Variants in SLCO4C1 observed in about 807,000 individuals in gnomAD.
SLCO4C1 encodes organic anion transporter M1.
Under a neutral mutation model 72.1 loss-of-function variants are expected in SLCO4C1, and 58 were observed. The observed-to-expected ratio is 0.80, with a 90% CI of 0.65 to 1.00. SLCO4C1 has a LOEUF of 1.00. Among genes scored for constraint, SLCO4C1 ranks in the 50% least tolerant of loss-of-function variants. The pLI, the probability that SLCO4C1 is intolerant of heterozygous loss-of-function variation, is 0.00. For missense variants in SLCO4C1, 898 were observed against 857.9 expected (o/e 1.05, Z -0.58); for synonymous variants, 297 against 312.5 (o/e 0.95, Z 0.52).
At chr5:102,265,130 T>C (rs1188314987) in intron 3 of SLCO4C1, among the ~76,000 whole-genome samples, 2 of 152,086 alleles carry the variant, frequency 1.3e-5, no homozygotes. Flanking sequence ...GAAAAATGGC[T>C]ATATAGATTC....
At chr5:102,252,212 A>G (rs757140876) in intron 8 of SLCO4C1, among the ~76,000 whole-genome samples, 1 of 152,176 alleles carries the variant, frequency 6.6e-6, no homozygotes, top group Non-Finnish European at 1.5e-5. Context: ...ATCAGGGGTC[A>G]AACACAGTAA....
intron 2 of SLCO4C1, among the ~76,000 whole-genome samples, chr5:102,273,819 A>G (rs189127666): frequency 6.6e-6 from 1 of 152,282 alleles, no homozygotes; most frequent in African/African-American, 2.4e-5. Context: ...AGATTTACCT[A>G]TTCAATGAAT....
chr5:102,239,457 A>T, intron 11 of SLCO4C1, 69 bp from the exon 12 acceptor site: 1 of 1,087,098 alleles, frequency 9.2e-7, no homozygotes. Context: ...CTTTTTATAC[A>T]TGATCATACA....
chr5:102,261,848 T>A, intron 5 of SLCO4C1, 64 bp downstream of exon 5: 1 of 1,486,168 alleles, frequency 6.7e-7, no homozygotes, highest in Non-Finnish European at 9.0e-7. Flanking sequence ...ATTAATCATA[T>A]AGAAAATAGC....
chr5:102,251,521 T>G (rs1479893542), intron 8 of SLCO4C1, among the ~76,000 whole-genome samples: 3 of 151,862 alleles, frequency 2.0e-5, no homozygotes, highest in Non-Finnish European at 4.4e-5. Context: ...GCCCAGGAGT[T>G]TGAGGCTGCA....
intron 2 of SLCO4C1, among the ~76,000 whole-genome samples, chr5:102,278,447 A>C (rs1350148836): frequency 6.6e-6 from 1 of 152,202 alleles, no homozygotes; most frequent in Admixed American, 6.5e-5. Context: ...AAAATTAGCA[A>C]GGATATAAAC....
rs1748431304 is a variant in SLCO4C1 at position 102,236,347 on chromosome 5, C to G, written c.*511G>C. On this transcript the variant is annotated 3_prime_UTR_variant, in exon 13 of 13. Coordinates refer to ENST00000310954, the MANE Select transcript of SLCO4C1 (RefSeq NM_180991.5). ...ACCTGGTTTTAAATTCATAGGCTTTCAATAATAATTCCCGGAAATCATCAC... is the reference window on the plus strand; with the variant it reads ...ACCTGGTTTTAAATTCATAGGCTTTGAATAATAATTCCCGGAAATCATCAC... The G allele has an allele frequency of 6.6e-6, 1 of 152,352 alleles. No individual in the cohort carries two copies. Among genetic ancestry groups the G allele is most frequent in the Non-Finnish European group, 1.5e-5 (1 of 68,228 alleles). 9.4% of individuals were successfully genotyped at this position (152,352 alleles called of 1,614,324 possible). A position where few individuals can be genotyped will look rare whatever the true frequency, so the allele number is the denominator to read the frequency against.
chr5:102,237,951 T>C (rs1373283775), intron 12 of SLCO4C1, among the ~76,000 whole-genome samples: 2 of 152,210 alleles, frequency 1.3e-5, no homozygotes, highest in Non-Finnish European at 2.9e-5. Flanking sequence ...AACCACAGTA[T>C]AAGCATTTAA....
intron 5 of SLCO4C1, 43 bp from the exon 6 acceptor site, chr5:102,260,362 C>T (rs1407439406): frequency 9.2e-6 from 2 of 218,298 alleles, no homozygotes; most frequent in Non-Finnish European, 1.4e-5. Context: ...ATATATTATA[C>T]ATATAATATA....
intron 8 of SLCO4C1, among the ~76,000 whole-genome samples, chr5:102,252,409 A>G (rs936019405): frequency 6.6e-6 from 1 of 152,170 alleles, no homozygotes; most frequent in Admixed American, 6.5e-5. Flanking sequence ...CTGCAGTCTC[A>G]TCTTATTCAA....
intron 12 of SLCO4C1, among the ~76,000 whole-genome samples, 197 bp from the exon 13 acceptor site, chr5:102,237,215 T>C (rs1748453517): frequency 1.3e-5 from 2 of 152,206 alleles, no homozygotes; most frequent in Non-Finnish European, 2.9e-5. Context: ...AGTACTTATT[T>C]TCTTTCTAAG....
intron 5 of SLCO4C1, 58 bp from the exon 6 acceptor site, chr5:102,260,377 A>G: frequency 3.9e-6 from 1 of 259,194 alleles, no homozygotes; most frequent in Non-Finnish European, 6.8e-6. Context: ...AATATATTAT[A>G]TGTATAATAT....
intron 7 of SLCO4C1, 145 bp from the exon 8 acceptor site, chr5:102,257,455 T>G (rs1050257760): frequency 1.8e-6 from 1 of 567,676 alleles, no homozygotes; most frequent in Non-Finnish European, 2.9e-6. Flanking sequence ...TACAAATGAC[T>G]TAAAGGTCCA....
In SLCO4C1 at chr5:102,275,641, T is replaced by C. The variant is rs146649625; in HGVS notation, c.620-4835A>G. Among the ~76,000 whole-genome samples the C allele has an allele frequency of 4.4e-3, 663 of 152,240 alleles. 12 individuals carry two copies. Among genetic ancestry groups the C allele is most frequent in the African/African-American group, 0.015 (638 of 41,556 alleles). On this transcript the variant is annotated intron_variant, in intron 2 of 12. Transcript: ENST00000310954. ...TGTAGAGAACACCAGCAGTATACTG[T>C]ATATCACGTGTCACAAGCACTTCTA...
At chr5:102,283,715 T>A (rs1249347776) in intron 2 of SLCO4C1, among the ~76,000 whole-genome samples, 1 of 152,008 alleles carries the variant, frequency 6.6e-6, no homozygotes, top group African/African-American at 2.4e-5. Flanking sequence ...TTAAGATTTT[T>A]AAAAGTCCAT....
chr5:102,241,919 C>T (rs570961361), intron 10 of SLCO4C1, among the ~76,000 whole-genome samples: 18 of 152,164 alleles, frequency 1.2e-4, no homozygotes, highest in Non-Finnish European at 2.6e-4. Flanking sequence ...CTGGTTTGAA[C>T]TTTATATTCC....
At chr5:102,243,826 C>T (rs944166432) in intron 10 of SLCO4C1, among the ~76,000 whole-genome samples, 10 of 152,030 alleles carry the variant, frequency 6.6e-5, no homozygotes, top group Non-Finnish European at 1.5e-4. Context: ...TGAGGAAACT[C>T]AAATAAATTC....
Position 102,291,329 on chromosome 5 carries a change from C to T in SLCO4C1, c.619+14G>A, listed in dbSNP as rs1287115208. On this transcript the variant is annotated intron_variant, in intron 2 of 12. Transcript: ENST00000310954. ...CTTCAGATTAAAACAAACATAAACA[C>T]AATAGAAACTTACCTTCAAAAAGAG... is the stretch of plus-strand genomic sequence containing the variant. 6.2e-7 allele frequency: 1 copy of T among 1,607,564 alleles called. No homozygotes were observed. Among genetic ancestry groups the T allele is most frequent in the Non-Finnish European group, 8.5e-7 (1 of 1,178,080 alleles).
At chr5:102,278,074 T>A (rs1749281245) in intron 2 of SLCO4C1, among the ~76,000 whole-genome samples, 2 of 151,824 alleles carry the variant, frequency 1.3e-5, no homozygotes, top group Admixed American at 1.3e-4. Flanking sequence ...ATTGACATAG[T>A]GAATAAAAAA....
Sources: allele counts gnomAD v4.1 joint callset (sites outside exome capture counted in the v4.1 genomes callset), GRCh38; gene constraint gnomAD v4.1.1; transcripts MANE v1.5; gene names NCBI Gene and HGNC (gene_info 2026-07-23, HGNC 2026-07-21).